The following ENKUR variants were observed in gnomAD, a reference collection of about 807,000 sequenced individuals.
The protein encoded by ENKUR is enkurin.
ENKUR carries 19 observed loss-of-function variants against 27.6 expected under a neutral mutation model. That is an observed-to-expected ratio of 0.69 (90% CI 0.48 to 1.01). ENKUR has a LOEUF of 1.01. Ranked by LOEUF, ENKUR falls within the 50% of genes least tolerant of loss-of-function variation. The probability of loss-of-function intolerance (pLI) is 0.00; values close to 1 mark genes in which losing one functional copy is unlikely to be tolerated. For missense variants in ENKUR, 312 were observed against 310.5 expected (o/e 1.00, Z -0.04); for synonymous variants, 117 against 96.9 (o/e 1.21, Z -1.22).
At chr10:25,024,657 G>C (rs755011083) in intron 2 of ENKUR, 1 of 1,614,194 alleles carries the variant, frequency 6.2e-7, no homozygotes, top group Non-Finnish European at 8.5e-7. Context: ...GACTACTTCC[G>C]CAGGTAGTTT....
At chr10:25,058,433 C>G (rs1851285018) in intron 2 of ENKUR, among the ~76,000 whole-genome samples, 1 of 152,092 alleles carries the variant, frequency 6.6e-6, no homozygotes. Context: ...GTGTCAAATT[C>G]CTGGCCTCAA....
Position 25,039,359 on chromosome 10 carries a change from C to T in ENKUR, c.37+21753G>A, listed in dbSNP as rs184124565. 4.7e-3 allele frequency among the ~76,000 whole-genome samples: 716 copies of T among 152,182 alleles called. 2 individuals are homozygous for T. The highest frequency in any genetic ancestry group is 7.3e-3 in the Admixed American group (111 of 15,276). On this transcript the variant is annotated intron_variant, in intron 2 of 5. Coordinates refer to the ENKUR transcript ENST00000615958. ...GCTTGGGAGACTGAGGCAGGAGGAT[C>T]GCTTGAGCCCAGGAGTTTGAGAGCA...
chr10:24,996,068 A>G (rs967108047), intron 2 of ENKUR, among the ~76,000 whole-genome samples, 199 bp from the exon 3 acceptor site: 1 of 152,224 alleles, frequency 6.6e-6, no homozygotes, highest in South Asian at 2.1e-4. Flanking sequence ...TTTACCTGTC[A>G]ATCAGGCCTC....
At chr10:25,037,984 C>T (rs1851025271) in intron 2 of ENKUR, among the ~76,000 whole-genome samples, 1 of 152,152 alleles carries the variant, frequency 6.6e-6, no homozygotes, top group African/African-American at 2.4e-5. Flanking sequence ...TGATAACTAG[C>T]AGTAAAATAG....
intron 2 of ENKUR, among the ~76,000 whole-genome samples, chr10:24,996,480 T>C (rs1850061324): frequency 6.6e-6 from 1 of 150,460 alleles, no homozygotes; most frequent in African/African-American, 2.5e-5. Context: ...ATGAACAGTA[T>C]ATAAATACAA....
chr10:25,017,689 TTTC>T, upstream of ENKUR, among the ~76,000 whole-genome samples: 1 of 152,182 alleles, frequency 6.6e-6, no homozygotes, highest in South Asian at 2.1e-4. Context: ...ATTCTCCAGA[TTTC>T]TTCACATCAG....
chr10:24,995,085 T>C (rs895132474), intron 3 of ENKUR, among the ~76,000 whole-genome samples: 1 of 152,142 alleles, frequency 6.6e-6, no homozygotes, highest in Non-Finnish European at 1.5e-5. Flanking sequence ...CAGATACAAA[T>C]GAAGGACCCA....
In ENKUR at chr10:24,984,743, C is replaced by A. The variant is rs1189163458; in HGVS notation, c.757G>T (p.Ala253Ser). Residue 253 changes from alanine (A) to serine (S), a missense_variant, in exon 5 of 6, where the codon GCC becomes TCC. Ala to Ser is a moderately conservative substitution (Grantham distance 99). Coordinates refer to ENST00000331161, the MANE Select transcript of ENKUR (RefSeq NM_145010.4). ...IIEKHKIIYIANNA is the reference protein window; with the variant it reads ...IIEKHKIIYISNNA ...TTAAAGATCCATTCTTACTTATTGG[C>A]AATATAAATAATCTTGTGCTTTTCA... The A allele has an allele frequency of 6.2e-7, 1 of 1,606,886 alleles. No individual in the cohort carries two copies.
chr10:25,032,255 T>C (rs965765729), intron 2 of ENKUR, among the ~76,000 whole-genome samples: 14 of 150,024 alleles, frequency 9.3e-5, no homozygotes, highest in South Asian at 2.1e-4. Flanking sequence ...GACTTTTCTT[T>C]TAGCCTCTTT....
intron 5 of ENKUR, 137 bp downstream of exon 5, chr10:24,984,599 T>G (rs760085349): frequency 6.6e-6 from 7 of 1,062,688 alleles, no homozygotes; most frequent in Non-Finnish European, 9.2e-6. Flanking sequence ...TCTTTGCATA[T>G]TGCCTAAGCA....
In ENKUR at chr10:25,015,923, C is replaced by A. The variant is rs77256682; in HGVS notation, c.14G>T (p.Cys5Phe). 3.9e-4 allele frequency: 623 copies of A among 1,607,698 alleles called. 13 individuals carry two copies. The East Asian group carries it at 0.014, about 36-fold the overall frequency. ...GAGGTTATAAATGCACTCAGAAGAGCACGTTGGATCCATGGCCACCAAATG... is the reference window on the plus strand; with the variant it reads ...GAGGTTATAAATGCACTCAGAAGAGAACGTTGGATCCATGGCCACCAAATG... MDPTCSSECIYNLIP... is the reference protein window; with the variant it reads MDPTFSSECIYNLIP... The change falls in exon 1 of 6, where the codon TGC (cysteine) becomes TTC (phenylalanine). Residue 5 changes from cysteine (C) to phenylalanine (F), a missense_variant. Coordinates refer to ENST00000331161, the MANE Select transcript of ENKUR (RefSeq NM_145010.4).
At chr10:25,038,745 C>T (rs1306067246) in intron 2 of ENKUR, among the ~76,000 whole-genome samples, 3 of 152,150 alleles carry the variant, frequency 2.0e-5, no homozygotes, top group Admixed American at 6.5e-5. Context: ...GAAATGAACG[C>T]TGGTTATCAG....
intron 2 of ENKUR, among the ~76,000 whole-genome samples, chr10:25,040,112 A>G (rs886876496): frequency 3.9e-5 from 6 of 151,930 alleles, no homozygotes; most frequent in African/African-American, 1.5e-4. Flanking sequence ...TAGCTTTTAC[A>G]TAATTGCTGG....
At chr10:24,988,444 T>G (rs895517997) in intron 4 of ENKUR, among the ~76,000 whole-genome samples, 1 of 146,146 alleles carries the variant, frequency 6.8e-6, no homozygotes, top group Admixed American at 6.9e-5. Context: ...TTTTTTATAT[T>G]GTACATATGT....
At chr10:25,042,874 G>A (rs374229770) in intron 2 of ENKUR, among the ~76,000 whole-genome samples, 9 of 152,010 alleles carry the variant, frequency 5.9e-5, no homozygotes, top group African/African-American at 2.2e-4. Context: ...AAATTAAAAG[G>A]TGGAAGAAAT....
chr10:25,027,357 CAAAAAAA>C (rs71399946), intron 2 of ENKUR, among the ~76,000 whole-genome samples: 471 of 48,450 alleles, frequency 9.7e-3, no homozygotes, highest in Middle Eastern at 0.021. Flanking sequence ...ACTCCCGTCT[CAAAAAAA>C]AAAAAAAAAA....
chr10:24,988,635 G>A (rs1486664925), intron 4 of ENKUR, among the ~76,000 whole-genome samples: 1 of 88,710 alleles, frequency 1.1e-5, no homozygotes, highest in East Asian at 3.6e-4. Flanking sequence ...TCTTTAGCTG[G>A]CCTGAAAATG....
intron 2 of ENKUR, among the ~76,000 whole-genome samples, chr10:25,042,500 G>A (rs551030841): frequency 4.6e-5 from 7 of 152,058 alleles, no homozygotes; most frequent in Non-Finnish European, 8.8e-5. Context: ...TCACCATGTC[G>A]GCTAGGCTGG....
Position 25,025,004 on chromosome 10 carries a change from T to C in ENKUR, c.38-29135A>G, listed in dbSNP as rs751586008. On this transcript the variant is annotated intron_variant, in intron 2 of 5. Transcript: ENST00000615958. ...CTAATGACAGAATTATTTAATCGAT[T>C]AGAAAGTCAGCATCATTTCCAGATA... 6.8e-6 allele frequency: 11 copies of C among 1,614,212 alleles called. No individual in the cohort carries two copies. The South Asian group carries it at 8.8e-5, about 13-fold the overall frequency.
Sources: gnomAD v4.1 joint callset for allele counts (sites outside exome capture counted in the v4.1 genomes callset) on GRCh38, gnomAD v4.1.1 for gene constraint, MANE v1.5 for transcripts, NCBI Gene and HGNC (gene_info 2026-07-23, HGNC 2026-07-21) for gene names.